MACROD2: variants seen among roughly 807,000 people sequenced by gnomAD.
MACROD2 encodes ADP-ribose glycohydrolase MACROD2.
MACROD2 carries 36 observed loss-of-function variants against 70.4 expected under a neutral mutation model. The observed-to-expected ratio is 0.51, with a 90% confidence interval of 0.39 to 0.68. The LOEUF (loss-of-function observed/expected upper bound fraction) is 0.68. MACROD2 is among the 30% of genes least tolerant of loss of function. MACROD2 has a pLI of 0.00. For synonymous variants in MACROD2, 172 were observed against 178.8 expected (o/e 0.96, Z 0.30); for missense variants, 496 against 538.4 (o/e 0.92, Z 0.78).
chr20:15,545,043 C>A (rs1465711155), intron 8 of MACROD2, among the ~76,000 whole-genome samples: 1 of 152,200 alleles, frequency 6.6e-6, no homozygotes, highest in Non-Finnish European at 1.5e-5. Context: ...TTATACTCTG[C>A]TTTCAAGTAA....
chr20:14,733,596 A>G (rs1419770383), intron 5 of MACROD2, among the ~76,000 whole-genome samples: 3 of 151,952 alleles, frequency 2.0e-5, no homozygotes, highest in African/African-American at 7.3e-5. Flanking sequence ...GAATTCATAG[A>G]TGGTAAATCT....
intron 5 of MACROD2, among the ~76,000 whole-genome samples, chr20:15,080,397 G>A (rs766179561): frequency 5.9e-5 from 9 of 152,190 alleles, no homozygotes; most frequent in South Asian, 2.1e-4. Context: ...ATGCACTGCC[G>A]CAGCATCTGA....
intron 8 of MACROD2, among the ~76,000 whole-genome samples, chr20:15,662,268 G>A (rs541324524): frequency 1.3e-5 from 2 of 152,274 alleles, no homozygotes; most frequent in South Asian, 4.1e-4. Context: ...AAGATCTACT[G>A]TATCAGTATC....
intron 6 of MACROD2, among the ~76,000 whole-genome samples, chr20:15,392,667 C>T (rs1568771953): frequency 6.6e-6 from 1 of 151,064 alleles, no homozygotes; most frequent in Non-Finnish European, 1.5e-5. Flanking sequence ...TGCTTTCCTT[C>T]TTCCTTCCCT....
chr20:15,083,152 G>T (rs187169648), intron 5 of MACROD2, among the ~76,000 whole-genome samples: 1 of 152,206 alleles, frequency 6.6e-6, no homozygotes, highest in Non-Finnish European at 1.5e-5. Flanking sequence ...TCTGACAAAG[G>T]TCGTGGTCTG....
At chr20:15,310,906 A>G (rs6131660) in intron 6 of MACROD2, among the ~76,000 whole-genome samples, 22,381 of 152,216 alleles carry the variant, frequency 0.15, 1,990 homozygotes, top group East Asian at 0.2. Context: ...GTGATCAAAG[A>G]CATTCAGGGG....
intron 6 of MACROD2, among the ~76,000 whole-genome samples, chr20:15,403,472 T>G (rs2146312113): frequency 1.3e-5 from 2 of 152,068 alleles, no homozygotes; most frequent in Middle Eastern, 3.4e-3. Context: ...ATTGTATTAT[T>G]CAATTACAGC....
At chr20:15,195,334 A>T (rs974145427) in intron 5 of MACROD2, among the ~76,000 whole-genome samples, 16 of 152,228 alleles carry the variant, frequency 1.1e-4, no homozygotes, top group Admixed American at 1.0e-3. Context: ...CAATTTATCC[A>T]TATGACAAAG....
chr20:14,028,067 A>C (rs1283391500), intron 2 of MACROD2, among the ~76,000 whole-genome samples: 1 of 152,138 alleles, frequency 6.6e-6, no homozygotes, highest in Non-Finnish European at 1.5e-5. Context: ...TTTACCTGTA[A>C]GCTCCTGACT....
At chr20:14,725,509 C>T (rs1294860265) in intron 5 of MACROD2, among the ~76,000 whole-genome samples, 1 of 152,020 alleles carries the variant, frequency 6.6e-6, no homozygotes, top group African/African-American at 2.4e-5. Context: ...CCTTAGCATG[C>T]TCATATATAG....
chr20:14,772,901 T>G (rs2072187663), intron 5 of MACROD2, among the ~76,000 whole-genome samples: 1 of 152,018 alleles, frequency 6.6e-6, no homozygotes, highest in Non-Finnish European at 1.5e-5. Flanking sequence ...TTCTCTTTCT[T>G]CATATAACAA....
intron 5 of MACROD2, among the ~76,000 whole-genome samples, chr20:14,696,238 G>A (rs2071124970): frequency 6.6e-6 from 1 of 152,152 alleles, no homozygotes; most frequent in Non-Finnish European, 1.5e-5. Context: ...TAGTAAAGAA[G>A]CATTGAGAGA....
intron 8 of MACROD2, among the ~76,000 whole-genome samples, chr20:15,714,824 A>G (rs865888830): frequency 1.3e-5 from 2 of 152,212 alleles, no homozygotes; most frequent in Non-Finnish European, 2.9e-5. Context: ...TATAAACATG[A>G]TATAGATATA....
chr20:14,990,059 G>A (rs960004581), intron 5 of MACROD2, among the ~76,000 whole-genome samples: 10 of 151,972 alleles, frequency 6.6e-5, no homozygotes, highest in African/African-American at 1.7e-4. Flanking sequence ...ACAAGTAGCC[G>A]GCAGCTTAAA....
chr20:15,737,208 G>C (rs1435133815), intron 8 of MACROD2, among the ~76,000 whole-genome samples: 1 of 152,188 alleles, frequency 6.6e-6, no homozygotes, highest in African/African-American at 2.4e-5. Flanking sequence ...TGTGCTTTTA[G>C]ATGTGTTCAA....
chr20:15,979,444 A>G (rs371623256), intron 13 of MACROD2, among the ~76,000 whole-genome samples: 52 of 152,250 alleles, frequency 3.4e-4, no homozygotes, highest in Middle Eastern at 6.8e-3. Context: ...TTGTCCCACA[A>G]GGGCTGCTGC....
chr20:15,435,458 A>C (rs6079820), intron 7 of MACROD2, among the ~76,000 whole-genome samples: 50,042 of 151,904 alleles, frequency 0.33, 8,750 homozygotes, highest in African/African-American at 0.44. Flanking sequence ...GTGAAATACC[A>C]AACTGTTTTC....
chr20:14,567,706 G>A (rs781705562), intron 4 of MACROD2, among the ~76,000 whole-genome samples: 2 of 152,022 alleles, frequency 1.3e-5, no homozygotes, highest in Non-Finnish European at 2.9e-5. Context: ...TATGTAGTTG[G>A]CTTCAGAAGC....
intron 5 of MACROD2, among the ~76,000 whole-genome samples, chr20:14,868,954 G>A (rs2073457926): frequency 6.6e-6 from 1 of 152,132 alleles, no homozygotes; most frequent in Admixed American, 6.6e-5. Context: ...AGCTATGTAA[G>A]CCGGAGGGCA....
Sources: allele counts gnomAD v4.1 joint callset (sites outside exome capture counted in the v4.1 genomes callset), GRCh38; gene constraint gnomAD v4.1.1; transcripts MANE v1.5; gene names NCBI Gene and HGNC (gene_info 2026-07-23, HGNC 2026-07-21).